Variants in TTL observed in about 807,000 individuals in gnomAD.
The protein encoded by TTL is tubulin--tyrosine ligase.
A neutral mutation model predicts 41.1 loss-of-function variants in TTL; 10 were observed. The observed-to-expected ratio is 0.24, with a 90% CI of 0.15 to 0.41. The LOEUF (loss-of-function observed/expected upper bound fraction) is 0.41, where lower values mean the gene tolerates loss of function less well. Ranked by LOEUF, TTL falls within the 10% of genes least tolerant of loss-of-function variation. The probability of loss-of-function intolerance (pLI) is 1.00; values close to 1 mark genes in which losing one functional copy is unlikely to be tolerated. For synonymous variants in TTL, 175 were observed against 175.5 expected (o/e 1.00, Z 0.02); for missense variants, 367 against 460.4 (o/e 0.80, Z 1.86).
intron 5 of TTL, among the ~76,000 whole-genome samples, chr2:112,511,710 A>G (rs1574065900): frequency 6.7e-6 from 1 of 150,078 alleles, no homozygotes. Context: ...GACTACAGGC[A>G]CATGCTATCA....
rs567440826 is a variant in TTL at position 112,512,675 on chromosome 2, G to A, written c.876-7607G>A. Among the ~76,000 whole-genome samples, 17 of 152,320 alleles carry A rather than the reference G, an allele frequency of 1.1e-4. No homozygotes were observed. The East Asian group carries it at 3.3e-3, about 29-fold the overall frequency. On this transcript the variant is annotated intron_variant, in intron 5 of 6. Coordinates refer to ENST00000233336, the MANE Select transcript of TTL (RefSeq NM_153712.5). ...GCCTCCCAAAGTGCTGGGATTACAG[G>A]CGTGAGCCATCTCGCCCGGCCCTGT...
At chr2:112,483,641 G>A (rs1292689518) in intron 1 of TTL, 1 of 152,260 alleles carries the variant, frequency 6.6e-6, no homozygotes, top group Non-Finnish European at 1.5e-5. Context: ...ATTTGGAATT[G>A]ACTGGTCATT....
At position 112,532,947 on chromosome 2, in the gene TTL, G is replaced by A. The variant is rs532666655; in HGVS notation, c.*4152G>A. 1.3e-5 allele frequency: 2 copies of A among 152,088 alleles called. No individual in the cohort carries two copies. The highest frequency in any genetic ancestry group is 2.4e-5 in the African/African-American group (1 of 41,412). 9.4% of individuals were successfully genotyped at this position (152,088 alleles called of 1,614,324 possible). On this transcript the variant is annotated 3_prime_UTR_variant, in exon 7 of 7. Coordinates refer to ENST00000233336, the MANE Select transcript of TTL (RefSeq NM_153712.5). ...TCGTTTCTTACGTGTCTTGTGTATC[G>A]AGTTCTTGTAAAGCATTTCACCAAG...
chr2:112,533,773 T>G lies in TTL; in HGVS notation c.*4978T>G, dbSNP rs1226725678. ...TACAGGTCCCACCTCTCAACACTAT[T>G]GCAGTAGAGATTAAGTTTCCAACAC... On this transcript the variant is annotated 3_prime_UTR_variant, in exon 7 of 7. Coordinates refer to ENST00000233336, the MANE Select transcript of TTL (RefSeq NM_153712.5). 1.3e-5 allele frequency: 2 copies of G among 152,186 alleles called. No individual in the cohort carries two copies. Among genetic ancestry groups the G allele is most frequent in the Non-Finnish European group, 2.9e-5 (2 of 68,028 alleles). 9.4% of individuals were successfully genotyped at this position (152,186 alleles called of 1,614,324 possible).
Position 112,539,766 on chromosome 2 carries a change from A to G in TTL, c.*10971A>G, listed in dbSNP as rs754037601. On this transcript the variant is annotated 3_prime_UTR_variant, in exon 7 of 7. Transcript: ENST00000233336. ...CTCTCTTTGCAGACGACAAGATACC[A>G]TATAGAAAAAGTCCTAAGAAATCCA... The G allele has an allele frequency of 5.9e-5, 9 of 152,270 alleles. No homozygotes were observed. Among genetic ancestry groups the G allele is most frequent in the Admixed American group, 2.0e-4 (3 of 15,288 alleles). 9.4% of individuals were successfully genotyped at this position (152,270 alleles called of 1,614,324 possible).
rs570363357 is a variant in TTL, at chr2:112,530,319, G to C, written c.*1524G>C. 8.6e-6 allele frequency: 2 copies of C among 232,112 alleles called. No homozygotes were observed. Among genetic ancestry groups the C allele is most frequent in the Non-Finnish European group, 1.7e-5 (2 of 117,408 alleles). 14.4% of individuals were successfully genotyped at this position (232,112 alleles called of 1,614,324 possible). On this transcript the variant is annotated 3_prime_UTR_variant, in exon 7 of 7. Transcript: ENST00000233336. ...TACAGCAATAGTTGATAGGATGTGA[G>C]GGTGTTACCTTGGGGTGAAGTGGAG...
chr2:112,518,673 C>T (rs370189351), intron 5 of TTL, among the ~76,000 whole-genome samples: 3 of 123,444 alleles, frequency 2.4e-5, no homozygotes, highest in Admixed American at 8.0e-5. Flanking sequence ...TTTTCTTTTT[C>T]TTTTCTTTTT....
chr2:112,492,125 C>G (rs1365035741), intron 2 of TTL, among the ~76,000 whole-genome samples: 1 of 152,114 alleles, frequency 6.6e-6, no homozygotes, highest in African/African-American at 2.4e-5. Context: ...AATCTATTGT[C>G]CCTGAATAGA....
At chr2:112,484,963 T>C (rs1362172924) in intron 1 of TTL, among the ~76,000 whole-genome samples, 1 of 152,206 alleles carries the variant, frequency 6.6e-6, no homozygotes, top group Non-Finnish European at 1.5e-5. Context: ...TTTTATTTTA[T>C]TTTTGAGATG....
At position 112,502,913 on chromosome 2, in the gene TTL, A is replaced by C. The variant is rs1681740475; in HGVS notation, c.607A>C (p.Ser203Arg). 1.2e-6 allele frequency: 2 copies of C among 1,601,122 alleles called. No individual in the cohort carries two copies. Among genetic ancestry groups the C allele is most frequent in the Non-Finnish European group, 1.7e-6 (2 of 1,172,360 alleles). Reference protein sequence around the residue: ...EPGHRKFDIRSWVLVDHQYNI... With the variant: ...EPGHRKFDIRRWVLVDHQYNI... ...AGCAGTGTTTTTGTTGAATTGCAGA[A>C]GCTGGGTCTTGGTGGATCATCAGTA... The change falls in exon 5 of 7, where the codon AGC (serine) becomes CGC (arginine). Residue 203 changes from serine to arginine, a missense_variant and splice_region_variant. Transcript: ENST00000233336.
rs1317518158 is a variant in TTL at position 112,482,485 on chromosome 2, G to C, written c.141G>C (p.Leu47=). ...TGATGCTGGGAGAGAGGAATCGGCT[G>C]CCCTTCGGGAGACTGGGTGAGCCCC... is the stretch of plus-strand genomic sequence containing the variant. ...FNLMLGERNR[L]PFGRLGHEPG... The change falls in exon 1 of 7, where the codon CTG becomes CTC. Residue 47 remains leucine, a synonymous_variant. Transcript: ENST00000233336. This position sits in a 1 kb window ranked among gnomAD's most constrained non-coding sequence, Gnocchi z 5.3. 5 of 1,608,606 alleles carry C rather than the reference G, an allele frequency of 3.1e-6. No homozygotes were observed. The highest frequency in any genetic ancestry group is 4.2e-6 in the Non-Finnish European group (5 of 1,177,542).
chr2:112,527,670 C>G (rs1682402289), intron 6 of TTL, among the ~76,000 whole-genome samples: 1 of 152,136 alleles, frequency 6.6e-6, no homozygotes, highest in Non-Finnish European at 1.5e-5. Flanking sequence ...CTTGGTAGAT[C>G]TTCTTCCATC....
chr2:112,484,234 G>GTT (rs35137372), intron 1 of TTL, among the ~76,000 whole-genome samples: 2 of 134,978 alleles, frequency 1.5e-5, no homozygotes, highest in African/African-American at 2.7e-5. Context: ...GTTTGTATGT[G>GTT]TTTTTTTTTT....
intron 1 of TTL, among the ~76,000 whole-genome samples, chr2:112,484,237 T>G (rs368760333): frequency 2.6e-4 from 39 of 150,768 alleles, no homozygotes; most frequent in African/African-American, 7.8e-4. Context: ...TGTATGTGTT[T>G]TTTTTTTTTT....
rs555433541 is a variant in TTL at position 112,521,712 on chromosome 2, G to A, written c.1019+1287G>A. 2.0e-5 allele frequency among the ~76,000 whole-genome samples: 3 copies of A among 152,278 alleles called. No individual in the cohort carries two copies. The South Asian group carries it at 6.2e-4, about 32-fold the overall frequency. ...TGTATGAGGCCATGGGTTCACAGTG[G>A]GGAGCAAAGAGAGACACAGGCCCTA... On this transcript the variant is annotated intron_variant, in intron 6 of 6. Transcript: ENST00000233336.
intron 5 of TTL, among the ~76,000 whole-genome samples, chr2:112,513,127 A>T (rs1042976870): frequency 2.0e-5 from 3 of 152,062 alleles, no homozygotes; most frequent in Admixed American, 1.3e-4. Flanking sequence ...GTATATATCT[A>T]CACATTGAAA....
chr2:112,491,760 T>G (rs1681396204), intron 2 of TTL, among the ~76,000 whole-genome samples: 1 of 152,178 alleles, frequency 6.6e-6, no homozygotes, highest in African/African-American at 2.4e-5. Context: ...TTATTATGTA[T>G]TTGCTAAAAA....
In TTL at chr2:112,540,750, A is replaced by G. The variant is rs943519578; in HGVS notation, c.*11955A>G. On this transcript the variant is annotated 3_prime_UTR_variant, in exon 7 of 7. Coordinates refer to ENST00000233336, the MANE Select transcript of TTL (RefSeq NM_153712.5). ...GATGAGGGAAAGAATAGTCTTTTTA[A>G]CAAATGGTGTTAGGACAACTGGATA... The G allele has an allele frequency of 2.0e-5, 3 of 152,244 alleles. No homozygotes were observed. The highest frequency in any genetic ancestry group is 2.9e-5 in the Non-Finnish European group (2 of 68,038). The allele number at this position is 152,244 out of a possible 1,614,324, so 9.4% of individuals were successfully genotyped here.
intron 5 of TTL, among the ~76,000 whole-genome samples, chr2:112,512,324 G>A (rs7573493): frequency 0.11 from 16,614 of 151,216 alleles, 1,081 homozygotes; most frequent in Non-Finnish European, 0.15. Context: ...GTGCAGTGGC[G>A]TGATCTCGGC....
Sources: gnomAD v4.1 joint callset for allele counts (sites outside exome capture counted in the v4.1 genomes callset) on GRCh38, gnomAD v4.1.1 for gene constraint, Gnocchi (gnomAD v3.1) non-coding constraint, MANE v1.5 for transcripts, NCBI Gene and HGNC (gene_info 2026-07-23, HGNC 2026-07-21) for gene names.